HERC1: variants seen among roughly 807,000 people sequenced by gnomAD.
The protein encoded by HERC1 is probable E3 ubiquitin-protein ligase HERC1.
Under a neutral mutation model 554.3 loss-of-function variants are expected in HERC1, and 160 were observed. The ratio of observed to expected loss-of-function variants is 0.29; its 90% CI spans 0.25 to 0.33. The LOEUF is 0.33. Ranked by LOEUF, HERC1 falls within the 10% of genes least tolerant of loss-of-function variation. The pLI, the probability that HERC1 is intolerant of heterozygous loss-of-function variation, is 1.00. For missense variants in HERC1, 4,919 were observed against 5,918.5 expected (o/e 0.83, Z 5.54); for synonymous variants, 2,175 against 2,131.7 (o/e 1.02, Z -0.56).
At chr15:63,729,746 G>T in intron 14 of HERC1, 97 bp from the exon 15 acceptor site, 1 of 1,224,526 alleles carries the variant, frequency 8.2e-7, no homozygotes, top group Non-Finnish European at 1.2e-6. Context: ...ATATGGGCTG[G>T]GTGCGGTGAC....
chr15:63,766,193 G>A (rs1315305940), intron 2 of HERC1, among the ~76,000 whole-genome samples: 1 of 151,192 alleles, frequency 6.6e-6, no homozygotes, highest in African/African-American at 2.4e-5. Context: ...TAATCATAGA[G>A]GTCAAACATT....
At chr15:63,750,366 T>G (rs1284536495) in intron 8 of HERC1, among the ~76,000 whole-genome samples, 1 of 152,060 alleles carries the variant, frequency 6.6e-6, no homozygotes, top group East Asian at 1.9e-4. Context: ...AATCACTAAC[T>G]GATTTAAGAT....
In HERC1 at chr15:63,716,205, A is replaced by G. The variant is rs1228331096; in HGVS notation, c.4150+97T>C. 1.0e-5 allele frequency: 12 copies of G among 1,166,350 alleles called. No homozygotes were observed. In the East Asian group the frequency reaches 2.9e-4, roughly 28 times the overall value. The allele number at this position is 1,166,350 out of a possible 1,614,324, so 72.3% of individuals were successfully genotyped here. ...AGCAGAATATAAAGTCCTTTTAGAAAAACTATGGAGAAACTTTGCCTTTCT... is the reference window on the plus strand; with the variant it reads ...AGCAGAATATAAAGTCCTTTTAGAAGAACTATGGAGAAACTTTGCCTTTCT... On this transcript the variant is annotated intron_variant, in intron 22 of 77. Coordinates refer to ENST00000443617, the MANE Select transcript of HERC1 (RefSeq NM_003922.4).
chr15:63,610,216 G>GCCACAT lies in HERC1; in HGVS notation c.14401-956_14401-951dup, dbSNP rs2067526218. Among the ~76,000 whole-genome samples, 4 of 152,072 alleles carry GCCACAT rather than the reference G, an allele frequency of 2.6e-5. No individual in the cohort carries two copies. In the South Asian group the frequency reaches 6.2e-4, roughly 24 times the overall value. ...CTCCCCAGAGCCCACACCTAGGTAA[G>GCCACAT]CCACATGTCCTGCTATGGGAGGTGG... is the stretch of plus-strand genomic sequence containing the variant. On this transcript the variant is annotated intron_variant, in intron 77 of 77. Transcript: ENST00000443617.
intron 1 of HERC1, among the ~76,000 whole-genome samples, chr15:63,807,561 C>G (rs986464019): frequency 6.6e-6 from 1 of 152,090 alleles, no homozygotes; most frequent in Non-Finnish European, 1.5e-5. Flanking sequence ...TCTCCTTAAC[C>G]CTTCCCAAAA....
rs755658022 is a variant in HERC1, at chr15:63,723,218, G to T, written c.3706C>A (p.Leu1236Ile). The T allele has an allele frequency of 6.9e-5, 110 of 1,586,232 alleles. No individual in the cohort carries two copies. The highest frequency in any genetic ancestry group is 8.7e-5 in the Non-Finnish European group (102 of 1,166,060). ...GCATAGTCCTGCATGCTGATCCAAA[G>T]GCTTCGGGCAGGCTCTTTAGAACAA... ...LGCSKEPARSLWISMQDYAVS... is the reference protein window; with the variant it reads ...LGCSKEPARSIWISMQDYAVS... Residue 1236 changes from leucine to isoleucine, a missense_variant, in exon 19 of 78, where the codon CTT becomes ATT. Leu to Ile is a conservative substitution (Grantham distance 5, BLOSUM62 2). This residue lies in a region of HERC1 where 1,121 missense variants were observed against 1,244.0 expected (regional missense o/e 0.90). Transcript: ENST00000443617.
chr15:63,833,097 C>A (rs2146254120), intron 1 of HERC1, among the ~76,000 whole-genome samples: 1 of 152,304 alleles, frequency 6.6e-6, no homozygotes, highest in South Asian at 2.1e-4. Context: ...AGTAACCTGC[C>A]ACCCATCACA....
At chr15:63,691,983 T>C (rs977976946) in intron 31 of HERC1, among the ~76,000 whole-genome samples, 3 of 152,216 alleles carry the variant, frequency 2.0e-5, no homozygotes, top group Non-Finnish European at 2.9e-5. Context: ...GCTTATTCTA[T>C]AGAACTGTGA....
rs1317981064 is a variant in HERC1 at position 63,737,541 on chromosome 15, A to C, written c.2521-2692T>G. On this transcript the variant is annotated intron_variant, in intron 12 of 77. Coordinates refer to ENST00000443617, the MANE Select transcript of HERC1 (RefSeq NM_003922.4). ...GATATATATATATATATATATATAT[A>C]TATATATCTTTTTTTTTTTTAGTAG... Among the ~76,000 whole-genome samples the C allele has an allele frequency of 2.6e-3, 156 of 60,666 alleles. 6 individuals carry two copies. The highest frequency in any genetic ancestry group is 3.7e-3 in the Non-Finnish European group (95 of 25,760). The allele number at this position is 60,666 out of a possible 152,430, so 39.8% of individuals were successfully genotyped here.
chr15:63,675,253 C>A, intron 37 of HERC1, 136 bp from the exon 38 acceptor site: 6 of 653,076 alleles, frequency 9.2e-6, no homozygotes, highest in Non-Finnish European at 1.2e-5. Flanking sequence ...CTAGAGAAAT[C>A]ATTACAAACA....
intron 14 of HERC1, among the ~76,000 whole-genome samples, chr15:63,731,141 C>T (rs2074275252): frequency 6.6e-6 from 1 of 152,082 alleles, no homozygotes. Context: ...AACACATGTA[C>T]CATAAATTAC....
intron 1 of HERC1, among the ~76,000 whole-genome samples, chr15:63,788,151 G>C (rs2076516934): frequency 6.6e-6 from 1 of 152,038 alleles, no homozygotes; most frequent in Admixed American, 6.6e-5. Context: ...ATGTGAAAAA[G>C]ACAGTTAACA....
intron 59 of HERC1, among the ~76,000 whole-genome samples, chr15:63,642,285 C>T (rs2069105631): frequency 6.6e-6 from 1 of 152,126 alleles, no homozygotes; most frequent in Non-Finnish European, 1.5e-5. Flanking sequence ...ATTTTGTATA[C>T]TTAGTTAAAT....
Position 63,733,076 on chromosome 15 carries a change from T to C in HERC1, c.2716A>G (p.Ser906Gly), listed in dbSNP as rs2141033579. 2 of 1,613,972 alleles carry C rather than the reference T, an allele frequency of 1.2e-6. No homozygotes were observed. The highest frequency in any genetic ancestry group is 8.5e-7 in the Non-Finnish European group (1 of 1,179,854). ...HTHVASLLGY[S>G]SPSDAADLSS... ...AGGTCAGCAGCATCAGAGGGTGAAC[T>C]ATAGCCAAGTAGGGAGGCTACGTGG... Residue 906 changes from serine (S) to glycine (G), a missense_variant, in exon 14 of 78, where the codon AGT becomes GGT. This residue lies in a region of HERC1 where 744 missense variants were observed against 1,090.0 expected (regional missense o/e 0.68). Transcript: ENST00000443617.
At position 63,647,037 on chromosome 15, in the gene HERC1, T is replaced by C. The variant is rs1368914383; in HGVS notation, c.10878+1032A>G. Among the ~76,000 whole-genome samples the C allele has an allele frequency of 6.6e-5, 10 of 151,542 alleles. No individual in the cohort carries two copies. In the East Asian group the frequency reaches 1.4e-3, roughly 21 times the overall value. ...TGGGAGGCTGAGGCAGGTGGATCAC[T>C]TGAGGTCAGGAGTTCGAGACCAGCC... is the stretch of plus-strand genomic sequence containing the variant. On this transcript the variant is annotated intron_variant, in intron 55 of 77. Transcript: ENST00000443617.
chr15:63,624,489 G>A (rs2068216324), intron 71 of HERC1, among the ~76,000 whole-genome samples, 162 bp from the exon 72 acceptor site: 1 of 152,202 alleles, frequency 6.6e-6, no homozygotes, highest in South Asian at 2.1e-4. Flanking sequence ...TTGAGCCCAG[G>A]AGTTCAAGAC....
intron 40 of HERC1, among the ~76,000 whole-genome samples, chr15:63,666,984 T>G (rs566835159): frequency 2.0e-5 from 3 of 152,372 alleles, no homozygotes; most frequent in Non-Finnish European, 4.4e-5. Context: ...GTGATTTCCC[T>G]GATTAAAATG....
Position 63,727,898 on chromosome 15 carries a change from A to T in HERC1, c.3155-60T>A. On this transcript the variant is annotated intron_variant, in intron 16 of 77. Transcript: ENST00000443617. This position sits in a 1 kb window ranked among gnomAD's most constrained non-coding sequence, Gnocchi z 4.3. ...GCTTCAAATGAACTTTAAAAAAAGG[A>T]ACCTAATAAATATTATTTTAGCTTG... The T allele has an allele frequency of 7.4e-7, 1 of 1,351,618 alleles. No homozygotes were observed. Among genetic ancestry groups the T allele is most frequent in the Non-Finnish European group, 1.0e-6 (1 of 959,158 alleles). The allele number at this position is 1,351,618 out of a possible 1,614,324, so 83.7% of individuals were successfully genotyped here.
intron 24 of HERC1, among the ~76,000 whole-genome samples, chr15:63,712,054 A>G (rs2073324201): frequency 6.6e-6 from 1 of 152,200 alleles, no homozygotes; most frequent in African/African-American, 2.4e-5. Flanking sequence ...TTAGCATCTT[A>G]TTTATCTTTA....
Sources: gnomAD v4.1 joint callset for allele counts (sites outside exome capture counted in the v4.1 genomes callset) on GRCh38, gnomAD v4.1.1 for gene constraint, gnomAD v4.1.1 regional missense constraint, Gnocchi (gnomAD v3.1) non-coding constraint, MANE v1.5 for transcripts, NCBI Gene and HGNC (gene_info 2026-07-23, HGNC 2026-07-21) for gene names.